SCHIP1: variants seen among roughly 807,000 people sequenced by gnomAD.
SCHIP1 encodes the protein schwannomin interacting protein 1.
A neutral mutation model predicts 29.7 loss-of-function variants in SCHIP1; 8 were observed. The observed-to-expected ratio is 0.27, with a 90% confidence interval of 0.16 to 0.49. The LOEUF is 0.49. Among genes scored for constraint, SCHIP1 ranks in the 20% least tolerant of loss-of-function variants. SCHIP1 has a pLI of 0.99. For missense variants in SCHIP1, 193 were observed against 294.6 expected (o/e 0.66, Z 2.52); for synonymous variants, 76 against 94.9 (o/e 0.80, Z 1.16).
chr3:159,532,688 G>A, the SCHIP1 span, among the ~76,000 whole-genome samples: 1 of 152,154 alleles, frequency 6.6e-6, no homozygotes, highest in African/African-American at 2.4e-5. Context: ...TTGTTCCAAT[G>A]TCATGACCAA....
At chr3:159,724,881 T>G in the SCHIP1 span, among the ~76,000 whole-genome samples, 3 of 152,264 alleles carry the variant, frequency 2.0e-5, no homozygotes, top group Non-Finnish European at 4.4e-5. Flanking sequence ...TTGCTATAGC[T>G]GCCTTCATTC....
At chr3:159,364,360 A>G in the SCHIP1 span, among the ~76,000 whole-genome samples, 2 of 152,220 alleles carry the variant, frequency 1.3e-5, no homozygotes, top group East Asian at 3.9e-4. Context: ...CCTAGAATAT[A>G]TGGATTTCCT....
the SCHIP1 span, among the ~76,000 whole-genome samples, chr3:159,394,105 G>C: frequency 2.7e-5 from 4 of 150,652 alleles, no homozygotes; most frequent in Non-Finnish European, 4.4e-5. Flanking sequence ...TCATGATTTG[G>C]CTCTTTGTTT....
chr3:159,652,632 A>T, the SCHIP1 span, among the ~76,000 whole-genome samples: 1 of 152,184 alleles, frequency 6.6e-6, no homozygotes, highest in African/African-American at 2.4e-5. Context: ...TATAAAGGAA[A>T]GTGACCTCAC....
At chr3:159,833,862 G>A in the SCHIP1 span, among the ~76,000 whole-genome samples, 42,296 of 152,056 alleles carry the variant, frequency 0.28, 6,039 homozygotes, top group Middle Eastern at 0.41. Context: ...TTTTACTCCA[G>A]TAATGGTCTC....
the SCHIP1 span, among the ~76,000 whole-genome samples, chr3:159,511,161 G>A: frequency 6.6e-6 from 1 of 152,200 alleles, no homozygotes; most frequent in Non-Finnish European, 1.5e-5. Flanking sequence ...TCAAGCCTCA[G>A]CAATGGTGGG....
chr3:159,734,753 C>A, the SCHIP1 span, among the ~76,000 whole-genome samples: 1 of 150,600 alleles, frequency 6.6e-6, no homozygotes, highest in Non-Finnish European at 1.5e-5. Flanking sequence ...TCGGCATAGG[C>A]TCCATAAATG....
At chr3:159,350,863 A>C in the SCHIP1 span, among the ~76,000 whole-genome samples, 2 of 152,228 alleles carry the variant, frequency 1.3e-5, no homozygotes, top group South Asian at 4.1e-4. Context: ...TGACTTATTC[A>C]TCCTGATGAT....
At chr3:159,464,420 C>T in the SCHIP1 span, among the ~76,000 whole-genome samples, 2 of 152,148 alleles carry the variant, frequency 1.3e-5, no homozygotes, top group South Asian at 2.1e-4. Context: ...AGATCTGGCA[C>T]TAAATGTTTC....
the SCHIP1 span, among the ~76,000 whole-genome samples, chr3:159,286,088 T>C: frequency 1.3e-5 from 2 of 150,548 alleles, no homozygotes; most frequent in Non-Finnish European, 3.0e-5. Context: ...TTATTTTAAA[T>C]TCAGGGGTAA....
At chr3:159,363,123 T>C in the SCHIP1 span, among the ~76,000 whole-genome samples, 61 of 152,292 alleles carry the variant, frequency 4.0e-4, no homozygotes, top group African/African-American at 1.2e-3. Flanking sequence ...TGAGTATGTA[T>C]AGTTGGAGAT....
chr3:159,463,809 AT>A, the SCHIP1 span, among the ~76,000 whole-genome samples: 2 of 152,054 alleles, frequency 1.3e-5, no homozygotes, highest in South Asian at 4.1e-4. Context: ...AAACAGAATT[AT>A]TTTACATATT....
chr3:159,566,818 G>A, the SCHIP1 span, among the ~76,000 whole-genome samples: 1 of 152,196 alleles, frequency 6.6e-6, no homozygotes, highest in South Asian at 2.1e-4. Flanking sequence ...ACCTCCCTAA[G>A]TACATGTGCT....
the SCHIP1 span, among the ~76,000 whole-genome samples, chr3:159,325,032 C>CCAAATAGTG: frequency 6.6e-6 from 1 of 152,030 alleles, no homozygotes; most frequent in Non-Finnish European, 1.5e-5. Flanking sequence ...ATAACTGAGA[C>CCAAATAGTG]CAAATAGTGT....
chr3:159,746,552 G>GT, the SCHIP1 span, among the ~76,000 whole-genome samples: 65,097 of 151,716 alleles, frequency 0.43, 15,039 homozygotes, highest in Middle Eastern at 0.54. Flanking sequence ...ATAAAATTTA[G>GT]TTTTTTTTCA....
At chr3:159,373,113 A>ATACC in the SCHIP1 span, among the ~76,000 whole-genome samples, 1 of 151,982 alleles carries the variant, frequency 6.6e-6, no homozygotes, top group African/African-American at 2.4e-5. Context: ...CCACAGAAAC[A>ATACC]TACCTTATTT....
At chr3:159,476,690 G>A in the SCHIP1 span, among the ~76,000 whole-genome samples, 11 of 152,050 alleles carry the variant, frequency 7.2e-5, 1 homozygote, top group African/African-American at 2.4e-4. Context: ...TTTTTAATCG[G>A]CAAATCATAA....
the SCHIP1 span, among the ~76,000 whole-genome samples, chr3:159,747,898 T>C: frequency 1.7e-4 from 26 of 152,254 alleles, no homozygotes; most frequent in Non-Finnish European, 3.1e-4. Context: ...TGTAGGTTAA[T>C]ATAAAAATGG....
the SCHIP1 span, among the ~76,000 whole-genome samples, chr3:159,523,452 C>A: frequency 1.3e-5 from 2 of 151,956 alleles, no homozygotes; most frequent in Non-Finnish European, 2.9e-5. Flanking sequence ...ATTATTTAAA[C>A]CGATTGGAAA....
Sources: gnomAD v4.1 joint callset for allele counts (sites outside exome capture counted in the v4.1 genomes callset) on GRCh38, gnomAD v4.1.1 for gene constraint, MANE v1.5 for transcripts, NCBI Gene and HGNC (gene_info 2026-07-23, HGNC 2026-07-21) for gene names.